The following EBF4 variants were observed in gnomAD, a reference collection of about 807,000 sequenced individuals.
EBF4 encodes the protein EBF transcription factor 4.
EBF4 carries 34 observed loss-of-function variants against 67.1 expected under a neutral mutation model. The ratio of observed to expected loss-of-function variants is 0.51; its 90% CI spans 0.39 to 0.67. The LOEUF (loss-of-function observed/expected upper bound fraction) is 0.67. Ranked by LOEUF, EBF4 falls within the 30% of genes least tolerant of loss-of-function variation. The pLI, the probability that EBF4 is intolerant of heterozygous loss-of-function variation, is 0.00. For synonymous variants in EBF4, 387 were observed against 377.7 expected (o/e 1.02, Z -0.29); for missense variants, 837 against 873.3 (o/e 0.96, Z 0.52).
At chr20:2,759,524 AGG>A (rs2088294751), downstream of EBF4, 1 of 159,060 alleles carries the variant, frequency 6.3e-6, no homozygotes, top group African/African-American at 2.4e-5. Flanking sequence ...CATCGCAGGG[AGG>A]TGCTGGGATT....
chr20:2,730,072 G>T (rs1250914112), intron 6 of EBF4, among the ~76,000 whole-genome samples: 1 of 152,218 alleles, frequency 6.6e-6, no homozygotes, highest in Non-Finnish European at 1.5e-5. Context: ...GCATTTCCAG[G>T]TGCCCTGTGG....
chr20:2,751,903 T>C lies in EBF4; in HGVS notation c.1108-19T>C. 1 of 1,542,808 alleles carries C rather than the reference T, an allele frequency of 6.5e-7. No homozygotes were observed. Among genetic ancestry groups the C allele is most frequent in the Non-Finnish European group, 8.8e-7 (1 of 1,141,406 alleles). On this transcript the variant is annotated intron_variant, in intron 11 of 16. Coordinates refer to ENST00000609451, the Ensembl canonical transcript of EBF4. This position sits in a 1 kb window ranked among gnomAD's most constrained non-coding sequence, Gnocchi z 5.2. The stretch of plus-strand genomic sequence containing the variant: ...CAGGGGCTGCCCCTCCGTCCCGCTG[T>C]CTCTCCCCCTGTCCCCAGGAAGTGC...
At chr20:2,716,265 G>A (rs1424853850) in intron 6 of EBF4, among the ~76,000 whole-genome samples, 1 of 148,216 alleles carries the variant, frequency 6.7e-6, no homozygotes, top group Non-Finnish European at 1.5e-5. Flanking sequence ...AGTGGCTCAC[G>A]CCTGTAATCC....
intron 6 of EBF4, among the ~76,000 whole-genome samples, chr20:2,720,679 T>A (rs1393205642): frequency 6.6e-6 from 1 of 152,220 alleles, no homozygotes; most frequent in Non-Finnish European, 1.5e-5. Flanking sequence ...GCTTTGTCAA[T>A]TGCTTTTAAT....
intron 14 of EBF4, among the ~76,000 whole-genome samples, chr20:2,754,681 T>C (rs1204280673): frequency 1.3e-5 from 2 of 152,102 alleles, no homozygotes; most frequent in African/African-American, 4.8e-5. Context: ...TGGACAATAC[T>C]CAGATCACAG....
Position 2,697,477 on chromosome 20 carries a change from G to A in EBF4, c.137+3695G>A, listed in dbSNP as rs534855435. 7.0e-3 allele frequency among the ~76,000 whole-genome samples: 1,058 copies of A among 151,876 alleles called. 7 individuals are homozygous for A. The highest frequency in any genetic ancestry group is 0.024 in the African/African-American group (995 of 41,344). On this transcript the variant is annotated intron_variant, in intron 1 of 16. Transcript: ENST00000609451. ...GGAGAATGGCGTGAACCCGGGAGGC[G>A]GAGCTTGCAGTGAGCCGAGATCGCG...
chr20:2,748,285 C>G (rs2088082002), intron 6 of EBF4, among the ~76,000 whole-genome samples: 1 of 152,070 alleles, frequency 6.6e-6, no homozygotes, highest in Non-Finnish European at 1.5e-5. Flanking sequence ...GCTAAGTATA[C>G]ACTTTGTGGC....
At chr20:2,716,089 A>G (rs1313428755) in intron 6 of EBF4, among the ~76,000 whole-genome samples, 4 of 151,846 alleles carry the variant, frequency 2.6e-5, no homozygotes, top group Non-Finnish European at 5.9e-5. Context: ...CAGGCACAAT[A>G]GCTCATGCCT....
intron 6 of EBF4, among the ~76,000 whole-genome samples, chr20:2,725,743 T>C (rs539605934): frequency 6.6e-6 from 1 of 152,362 alleles, no homozygotes; most frequent in South Asian, 2.1e-4. Context: ...CTCAGACTTT[T>C]CTAGGTTCCT....
exon 10 of EBF4, chr20:2,749,937 T>G: frequency 6.4e-7 from 1 of 1,550,974 alleles, no homozygotes; most frequent in Non-Finnish European, 8.7e-7. Flanking sequence ...GTCCAAGCAG[T>G]TTTGCAAGGG....
chr20:2,736,997 C>T (rs1200012356), intron 6 of EBF4, among the ~76,000 whole-genome samples: 1 of 151,976 alleles, frequency 6.6e-6, no homozygotes, highest in Non-Finnish European at 1.5e-5. Flanking sequence ...CGCTTGTAAT[C>T]CCAGCACTTT....
At chr20:2,710,664 A>G (rs1239526390) in intron 6 of EBF4, among the ~76,000 whole-genome samples, 1 of 152,028 alleles carries the variant, frequency 6.6e-6, no homozygotes, top group Admixed American at 6.6e-5. Flanking sequence ...AGGTGCAAAA[A>G]TTCAAGAAGC....
chr20:2,712,554 G>T lies in EBF4; in HGVS notation c.557+2912G>T, dbSNP rs138919529. ...TTTGGTTTGAGCATGTTATGTTTAT[G>T]ATGCTCACTAAACATCCAAGTGAGG... On this transcript the variant is annotated intron_variant, in intron 6 of 16. Coordinates refer to ENST00000609451, the Ensembl canonical transcript of EBF4. Among the ~76,000 whole-genome samples the T allele has an allele frequency of 2.6e-5, 4 of 152,308 alleles. No individual in the cohort carries two copies. In the East Asian group the frequency reaches 7.7e-4, roughly 29 times the overall value.
At chr20:2,737,223 T>C (rs1208057258) in intron 6 of EBF4, among the ~76,000 whole-genome samples, 141 of 142,818 alleles carry the variant, frequency 9.9e-4, no homozygotes, top group South Asian at 3.1e-3. Flanking sequence ...GCACTCCAGC[T>C]TGGGTAACAG....
intron 6 of EBF4, among the ~76,000 whole-genome samples, chr20:2,718,242 T>A (rs2087636590): frequency 6.6e-6 from 1 of 152,214 alleles, no homozygotes; most frequent in African/African-American, 2.4e-5. Context: ...ATAATGGATA[T>A]TTTTCTGTAG....
At chr20:2,708,961 G>A (rs1346039429) in intron 5 of EBF4, among the ~76,000 whole-genome samples, 9 of 152,062 alleles carry the variant, frequency 5.9e-5, no homozygotes, top group African/African-American at 1.2e-4. Flanking sequence ...CGAGGCGAGC[G>A]GATCACTTGA....
intron 15 of EBF4, among the ~76,000 whole-genome samples, chr20:2,758,183 C>A (rs1485705111): frequency 6.6e-6 from 1 of 152,204 alleles, no homozygotes; most frequent in South Asian, 2.1e-4. Flanking sequence ...AATGAGAAGT[C>A]ATCAGCCATT....
rs778476305 is a variant in EBF4 at position 2,749,587 on chromosome 20, G to C, written c.758-33G>C. On this transcript the variant is annotated intron_variant, in intron 8 of 16. Transcript: ENST00000609451. ...GCCCCCCAGGCCCCACCTCAGCGCG[G>C]TCCCCTGACCTGGGTCCTCTCCTGC... 2.6e-6 allele frequency: 4 copies of C among 1,549,038 alleles called. No homozygotes were observed. The South Asian group carries it at 4.8e-5, about 18-fold the overall frequency.
Position 2,756,503 on chromosome 20 carries a change from A to G in EBF4, c.1738+679A>G, listed in dbSNP as rs1220023497. 1.3e-5 allele frequency among the ~76,000 whole-genome samples: 2 copies of G among 152,238 alleles called. No individual in the cohort carries two copies. Among genetic ancestry groups the G allele is most frequent in the Non-Finnish European group, 2.9e-5 (2 of 68,028 alleles). On this transcript the variant is annotated intron_variant, in intron 15 of 16. Transcript: ENST00000609451. This position sits in a 1 kb window ranked among gnomAD's most constrained non-coding sequence, Gnocchi z 4.5. ...CAACAGGATGTGGGTGGGGCAGAAC[A>G]GGTCCTTGTTGATGGGGATGGTGGG...
Sources: allele counts gnomAD v4.1 joint callset (sites outside exome capture counted in the v4.1 genomes callset), GRCh38; gene constraint gnomAD v4.1.1; non-coding constraint Gnocchi (gnomAD v3.1); transcripts MANE v1.5; gene names NCBI Gene and HGNC (gene_info 2026-07-23, HGNC 2026-07-21).